The following DOCK3 variants were observed in gnomAD, a reference collection of about 807,000 sequenced individuals.
DOCK3 encodes dedicator of cytokinesis protein 3.
DOCK3 carries 60 observed loss-of-function variants against 265.6 expected under a neutral mutation model. The ratio of observed to expected loss-of-function variants is 0.23; its 90% confidence interval spans 0.18 to 0.28. The LOEUF is 0.28. Ranked by LOEUF, DOCK3 falls within the 10% of genes least tolerant of loss-of-function variation. The pLI is 1.00. For missense variants in DOCK3, 1,981 were observed against 2,594.3 expected (o/e 0.76, Z 5.14); for synonymous variants, 881 against 938.0 (o/e 0.94, Z 1.11).
At chr3:51,215,952 G>T (rs1347254138) in intron 14 of DOCK3, among the ~76,000 whole-genome samples, 1 of 151,130 alleles carries the variant, frequency 6.6e-6, no homozygotes, top group African/African-American at 2.4e-5. Flanking sequence ...TAGGAAAAGA[G>T]CCCAAGCATA....
Position 51,362,657 on chromosome 3 carries a change from C to T in DOCK3, c.5276C>T (p.Ala1759Val). The change falls in exon 49 of 53, where the codon GCC (alanine) becomes GTC (valine). Residue 1759 changes from alanine to valine, a missense_variant. This residue lies in a region of DOCK3 where 1,357 missense variants were observed against 1,866.8 expected (regional missense o/e 0.73). Coordinates refer to ENST00000266037, the MANE Select transcript of DOCK3 (RefSeq NM_004947.5). ...GCACCATCCCAGATGATTACCTCTG[C>T]CCCTTCCAGTGCCCGAGGTAAGGAT... ...HSAPSQMITS[A>V]PSSARGSPSL... is the part of the protein sequence containing the mutation. 1 of 1,613,718 alleles carries T rather than the reference C, an allele frequency of 6.2e-7. No individual in the cohort carries two copies. The highest frequency in any genetic ancestry group is 1.3e-5 in the African/African-American group (1 of 75,052).
chr3:51,021,130 C>T (rs1437748416), intron 5 of DOCK3, among the ~76,000 whole-genome samples: 2 of 151,854 alleles, frequency 1.3e-5, no homozygotes, highest in African/African-American at 2.4e-5. Context: ...TTGTTTTGTC[C>T]TCTCTAATTT....
intron 2 of DOCK3, chr3:50,787,060 G>A (rs1559637491): frequency 1.4e-6 from 1 of 736,254 alleles, no homozygotes; most frequent in Non-Finnish European, 2.6e-6. Context: ...ATCCATGGAC[G>A]ATCTTGATAT....
chr3:51,248,673 G>GC (rs1203698540), intron 22 of DOCK3, among the ~76,000 whole-genome samples: 1 of 151,728 alleles, frequency 6.6e-6, no homozygotes, highest in Non-Finnish European at 1.5e-5. Context: ...GATGTGAGGA[G>GC]CCCCTCTGCC....
At position 51,354,871 on chromosome 3, in the gene DOCK3, G is replaced by GT; in HGVS notation, c.4108-8dup. On this transcript the variant is annotated splice_polypyrimidine_tract_variant and intron_variant, in intron 40 of 52. Transcript: ENST00000266037. ...AAGCATACATAGAGTGTGCTCTTCTGTTTGTGGCAGAACAAAGAATACGTG... is the reference window on the plus strand; with the variant it reads ...AAGCATACATAGAGTGTGCTCTTCTGTTTTGTGGCAGAACAAAGAATACGTG... The GT allele has an allele frequency of 6.2e-7, 1 of 1,612,880 alleles. No homozygotes were observed. The highest frequency in any genetic ancestry group is 8.5e-7 in the Non-Finnish European group (1 of 1,179,418).
chr3:50,717,408 G>T (rs1378819877), intron 1 of DOCK3, among the ~76,000 whole-genome samples: 2 of 151,992 alleles, frequency 1.3e-5, no homozygotes, highest in African/African-American at 4.8e-5. Flanking sequence ...TGTAGTTGTT[G>T]TAAGTGGGAT....
intron 9 of DOCK3, among the ~76,000 whole-genome samples, chr3:51,139,268 A>G (rs2084943446): frequency 6.6e-6 from 1 of 151,122 alleles, no homozygotes. Flanking sequence ...GGGAGGGCTA[A>G]GATGTATACT....
chr3:51,047,745 A>T (rs2080833279), intron 5 of DOCK3, among the ~76,000 whole-genome samples: 1 of 152,330 alleles, frequency 6.6e-6, no homozygotes, highest in South Asian at 2.1e-4. Context: ...TTGAATTAGT[A>T]ATCAAAAATC....
intron 5 of DOCK3, among the ~76,000 whole-genome samples, chr3:50,943,197 G>A (rs1375396213): frequency 6.6e-6 from 1 of 152,026 alleles, no homozygotes; most frequent in African/African-American, 2.4e-5. Flanking sequence ...TGGTTACCAG[G>A]GGTTGGTGGG....
chr3:50,940,627 GTTAAACAATT>G (rs1476970915), intron 5 of DOCK3, among the ~76,000 whole-genome samples: 1 of 151,882 alleles, frequency 6.6e-6, no homozygotes, highest in Non-Finnish European at 1.5e-5. Context: ...AACTAAAACG[GTTAAACAATT>G]TTGAAAAGAA....
intron 12 of DOCK3, among the ~76,000 whole-genome samples, chr3:51,203,005 A>C (rs974352828): frequency 6.6e-6 from 1 of 152,218 alleles, no homozygotes; most frequent in Non-Finnish European, 1.5e-5. Context: ...TTAGGTATTG[A>C]TGGGACCTAT....
intron 1 of DOCK3, among the ~76,000 whole-genome samples, chr3:50,761,285 G>C (rs1039550635): frequency 1.3e-5 from 2 of 151,934 alleles, no homozygotes; most frequent in African/African-American, 4.8e-5. Flanking sequence ...TTCCTTAATA[G>C]TCTCATGAAT....
At chr3:50,722,241 C>G (rs145750457) in intron 1 of DOCK3, among the ~76,000 whole-genome samples, 22 of 152,196 alleles carry the variant, frequency 1.4e-4, no homozygotes, top group African/African-American at 5.3e-4. Context: ...GTACAGAAAG[C>G]CTGGGGCATA....
chr3:50,814,222 T>C (rs1027577940), intron 2 of DOCK3, among the ~76,000 whole-genome samples: 1 of 152,194 alleles, frequency 6.6e-6, no homozygotes, highest in African/African-American at 2.4e-5. Flanking sequence ...GTTATATTTT[T>C]CCATAACCAT....
At chr3:51,197,346 A>G (rs1435427690) in intron 12 of DOCK3, among the ~76,000 whole-genome samples, 1 of 152,154 alleles carries the variant, frequency 6.6e-6, no homozygotes, top group Non-Finnish European at 1.5e-5. Flanking sequence ...TGGATTGCAC[A>G]AGTGGGCAGA....
At chr3:50,799,915 T>C (rs1370077804) in intron 2 of DOCK3, among the ~76,000 whole-genome samples, 3 of 152,224 alleles carry the variant, frequency 2.0e-5, no homozygotes, top group Non-Finnish European at 4.4e-5. Context: ...TGAAGGGATG[T>C]TGAATTTCAT....
chr3:50,930,519 T>C (rs1221026003), intron 4 of DOCK3, among the ~76,000 whole-genome samples: 1 of 152,160 alleles, frequency 6.6e-6, no homozygotes, highest in Admixed American at 6.5e-5. Flanking sequence ...GCAGCCCCGC[T>C]GCACTCCCTC....
At chr3:51,246,609 C>A in intron 21 of DOCK3, 117 bp from the exon 22 acceptor site, 1 of 925,928 alleles carries the variant, frequency 1.1e-6, no homozygotes. Context: ...TCTATCACTC[C>A]TTTCTAGCTC....
At chr3:50,713,213 T>TA (rs1180840154) in intron 1 of DOCK3, among the ~76,000 whole-genome samples, 1 of 152,220 alleles carries the variant, frequency 6.6e-6, no homozygotes, top group African/African-American at 2.4e-5. Context: ...TGGGTTAGCT[T>TA]AAAACCATTT....
Sources: allele counts gnomAD v4.1 joint callset (sites outside exome capture counted in the v4.1 genomes callset), GRCh38; gene constraint gnomAD v4.1.1; regional missense constraint gnomAD v4.1.1; transcripts MANE v1.5; gene names NCBI Gene and HGNC (gene_info 2026-07-23, HGNC 2026-07-21).